Variants in YTHDC2 observed in about 807,000 individuals in gnomAD.
YTHDC2 encodes the protein YTH N6-methyladenosine RNA binding protein C2, also known as 3'-5' RNA helicase YTHDC2.
Under a neutral mutation model 174.9 loss-of-function variants are expected in YTHDC2, and 45 were observed. The observed-to-expected ratio is 0.26, with a 90% CI of 0.20 to 0.33. The LOEUF is 0.33. Ranked by LOEUF, YTHDC2 falls within the 10% of genes least tolerant of loss-of-function variation. The probability of loss-of-function intolerance (pLI) is 1.00; values close to 1 mark genes in which losing one functional copy is unlikely to be tolerated. For synonymous variants in YTHDC2, 657 were observed against 574.5 expected, an observed-to-expected ratio of 1.14 and a Z score of -2.05; for missense variants, 1,650 against 1,723.7, an observed-to-expected ratio of 0.96 and a Z score of 0.76.
intron 25 of YTHDC2, chr5:113,583,548 G>C (rs1172067426): frequency 6.6e-6 from 1 of 152,068 alleles, no homozygotes; most frequent in Non-Finnish European, 1.5e-5. Flanking sequence ...GCAGTGGCAC[G>C]ATCTCAGCTC....
intron 17 of YTHDC2, among the ~76,000 whole-genome samples, chr5:113,556,824 T>C (rs1458515206): frequency 1.3e-5 from 2 of 152,194 alleles, no homozygotes; most frequent in Admixed American, 6.5e-5. Context: ...TGTGCAAAGA[T>C]GTATGTTTAA....
intron 23 of YTHDC2, among the ~76,000 whole-genome samples, chr5:113,570,817 AT>A (rs146446605): frequency 0.034 from 5,188 of 151,454 alleles, 286 homozygotes; most frequent in African/African-American, 0.12. Context: ...TACTCCACTA[AT>A]TTTTTTTGTA....
intron 7 of YTHDC2, among the ~76,000 whole-genome samples, chr5:113,538,596 T>C (rs1561644549): frequency 6.6e-6 from 1 of 151,086 alleles, no homozygotes; most frequent in African/African-American, 2.5e-5. Context: ...TTATTTTGTT[T>C]ATCTTCTTGT....
intron 26 of YTHDC2, among the ~76,000 whole-genome samples, chr5:113,589,841 G>A (rs1778914733): frequency 6.6e-6 from 1 of 152,004 alleles, no homozygotes; most frequent in Non-Finnish European, 1.5e-5. Flanking sequence ...TAACATTCTT[G>A]TCTCCTAATT....
At chr5:113,562,872 T>G (rs1777084547) in intron 18 of YTHDC2, among the ~76,000 whole-genome samples, 4 of 152,194 alleles carry the variant, frequency 2.6e-5, no homozygotes, top group Admixed American at 1.3e-4. Context: ...ATAATCGTAA[T>G]TAAGTAGTTA....
chr5:113,576,103 A>C (rs6884704), intron 23 of YTHDC2, among the ~76,000 whole-genome samples: 36,510 of 151,922 alleles, frequency 0.24, 4,991 homozygotes, highest in Admixed American at 0.37. Context: ...ACTCTAAGTA[A>C]ATTTTTTTTT....
rs769557442 is a variant in YTHDC2, at chr5:113,591,043, C to T, written c.3828C>T (p.Gly1276=). 10 of 1,613,162 alleles carry T rather than the reference C, an allele frequency of 6.2e-6. No homozygotes were observed. The Admixed American group carries it at 1.5e-4, about 24-fold the overall frequency. The change falls in exon 27 of 30, where the codon GGC becomes GGT. Residue 1276 remains glycine (G), a splice_region_variant and synonymous_variant. Coordinates refer to ENST00000161863, the MANE Select transcript of YTHDC2 (RefSeq NM_022828.5). The part of the protein sequence containing the change: ...ASPSPPSSGK[G]SKSPSPRPNM... ...AGAACTTATGTTTTCTTTTATAGGGCTCAAAATCTCCTTCGCCAAGACCAA... is the reference window on the plus strand; with the variant it reads ...AGAACTTATGTTTTCTTTTATAGGGTTCAAAATCTCCTTCGCCAAGACCAA...
rs1774259242 is a variant in YTHDC2, at chr5:113,526,641, T to A, written c.531T>A (p.Ile177=). The A allele has an allele frequency of 6.2e-7, 1 of 1,603,984 alleles. No homozygotes were observed. Among genetic ancestry groups the A allele is most frequent in the South Asian group, 1.1e-5 (1 of 89,974 alleles). The change falls in exon 4 of 30, where the codon ATT becomes ATA. Residue 177 remains isoleucine (I), a synonymous_variant. Transcript: ENST00000161863. ...GACTCAACAATGGCATACCTCAGAT[T>A]CCAGTGAAAAGAGGAGAATCCGAAT... The part of the protein sequence containing the change: ...SGRLNNGIPQ[I]PVKRGESEFD...
At chr5:113,522,452 A>T (rs961302181) in intron 2 of YTHDC2, among the ~76,000 whole-genome samples, 1 of 152,140 alleles carries the variant, frequency 6.6e-6, no homozygotes, top group South Asian at 2.1e-4. Flanking sequence ...TTCGAAAGTT[A>T]GGTGTTATGA....
At chr5:113,545,728 ATTTTTTTTTTTTT>A (rs1159754942) in intron 10 of YTHDC2, among the ~76,000 whole-genome samples, 1 of 49,512 alleles carries the variant, frequency 2.0e-5, no homozygotes, top group East Asian at 4.4e-4. Flanking sequence ...ATTGATCTCC[ATTTTTTTTTTTTT>A]TTTTTTTTTT....
intron 7 of YTHDC2, among the ~76,000 whole-genome samples, chr5:113,536,270 A>T (rs1042480288): frequency 6.6e-6 from 1 of 152,218 alleles, no homozygotes; most frequent in Non-Finnish European, 1.5e-5. Context: ...TCACGCCTGT[A>T]ATCCCAGCAC....
At chr5:113,528,244 A>C (rs1446850975) in intron 4 of YTHDC2, among the ~76,000 whole-genome samples, 1 of 152,156 alleles carries the variant, frequency 6.6e-6, no homozygotes, top group East Asian at 1.9e-4. Flanking sequence ...ATATGAAAGG[A>C]TACTTGTGAA....
At position 113,593,473 on chromosome 5, in the gene YTHDC2, T is replaced by A; in HGVS notation, c.*8-9T>A. 1 of 1,136,838 alleles carries A rather than the reference T, an allele frequency of 8.8e-7. No homozygotes were observed. Among genetic ancestry groups the A allele is most frequent in the Non-Finnish European group, 1.3e-6 (1 of 790,418 alleles). 70.4% of individuals were successfully genotyped at this position (1,136,838 alleles called of 1,614,324 possible). A position where few individuals can be genotyped will look rare whatever the true frequency, so the allele number is the denominator to read the frequency against. On this transcript the variant is annotated splice_polypyrimidine_tract_variant and intron_variant, in intron 29 of 29. Coordinates refer to ENST00000161863, the MANE Select transcript of YTHDC2 (RefSeq NM_022828.5). ...GATTATTTATCTTTTTTTTTCCCCT[T>A]TCTTCTAGAACTCTTAGCTGTGGAA...
intron 26 of YTHDC2, among the ~76,000 whole-genome samples, chr5:113,587,951 AT>A (rs1282812226): frequency 6.6e-6 from 1 of 152,012 alleles, no homozygotes; most frequent in Non-Finnish European, 1.5e-5. Flanking sequence ...TGTTTTATAA[AT>A]TTCAGAGTAC....
intron 5 of YTHDC2, among the ~76,000 whole-genome samples, chr5:113,534,030 A>T (rs770331677): frequency 3.3e-5 from 5 of 152,196 alleles, no homozygotes; most frequent in Admixed American, 6.5e-5. Context: ...CATTTGTAAC[A>T]TACTTTAGCT....
At position 113,548,551 on chromosome 5, in the gene YTHDC2, A is replaced by G. The variant is rs144202778; in HGVS notation, c.1506A>G (p.Arg502=). 3.1e-6 allele frequency: 5 copies of G among 1,601,594 alleles called. No homozygotes were observed. Among genetic ancestry groups the G allele is most frequent in the Middle Eastern group, 3.3e-4 (2 of 6,014 alleles). The change falls in exon 11 of 30, where the codon AGA becomes AGG. Residue 502 remains arginine (R), a synonymous_variant. Transcript: ENST00000161863. ...ILTENVSVDY[R]HSETSATALM... The stretch of plus-strand genomic sequence containing the variant: ...TTTTCCTTTTTTTAGTTGATTACAG[A>G]CATAGTGAAACCAGTGCAACAGCTC...
chr5:113,521,698 T>C (rs1233480064), intron 2 of YTHDC2, among the ~76,000 whole-genome samples: 1 of 145,696 alleles, frequency 6.9e-6, no homozygotes, highest in Non-Finnish European at 1.5e-5. Context: ...GCCACTGCAC[T>C]CCAGCCTGGG....
rs762271627 is a variant in YTHDC2 at position 113,553,577 on chromosome 5, A to C, written c.1868-13A>C. The C allele has an allele frequency of 6.2e-7, 1 of 1,610,530 alleles. No individual in the cohort carries two copies. The highest frequency in any genetic ancestry group is 8.5e-7 in the Non-Finnish European group (1 of 1,178,134). On this transcript the variant is annotated splice_polypyrimidine_tract_variant and intron_variant, in intron 13 of 29. Coordinates refer to ENST00000161863, the MANE Select transcript of YTHDC2 (RefSeq NM_022828.5). ...CAATGAGATTTAATATTAAAAAGTC[A>C]TTCTTCTCCAAGGTGCAGTACTAAT...
Position 113,564,005 on chromosome 5 carries a change from A to G in YTHDC2, c.2589A>G (p.Thr863=), listed in dbSNP as rs6886628. 0.22 allele frequency: 348,848 copies of G among 1,613,798 alleles called. 46,437 individuals carry two copies. Among genetic ancestry groups the G allele is most frequent in the African/African-American group, 0.59 (43,880 of 74,882 alleles). Residue 863 remains threonine, a synonymous_variant, in exon 20 of 30, where the codon ACA becomes ACG. Transcript: ENST00000161863. The part of the protein sequence containing the change: ...CLDPILTIAC[T]LAYRDPFVLP... ...ACCCCATCCTTACAATTGCTTGCAC[A>G]CTAGCTTATCGAGATCCTTTTGTAC...
Sources: gnomAD v4.1 joint callset for allele counts (sites outside exome capture counted in the v4.1 genomes callset) on GRCh38, gnomAD v4.1.1 for gene constraint, MANE v1.5 for transcripts, NCBI Gene and HGNC (gene_info 2026-07-23, HGNC 2026-07-21) for gene names.